Variants in FMNL2 observed in about 807,000 individuals in gnomAD.
FMNL2 encodes formin like 2.
FMNL2 carries 51 observed loss-of-function variants against 130.2 expected under a neutral mutation model. The observed-to-expected ratio is 0.39, with a 90% CI of 0.31 to 0.49. The LOEUF (loss-of-function observed/expected upper bound fraction) is 0.49, where lower values mean the gene tolerates loss of function less well. FMNL2 is among the 20% of genes least tolerant of loss of function. The probability of loss-of-function intolerance (pLI) is 0.85; values close to 1 mark genes in which losing one functional copy is unlikely to be tolerated. For missense variants in FMNL2, 977 were observed against 1,316.2 expected, an observed-to-expected ratio of 0.74 and a Z score of 3.99; for synonymous variants, 465 against 467.1, an observed-to-expected ratio of 1.00 and a Z score of 0.06.
chr2:152,501,724 G>GCCA, intron 1 of FMNL2, among the ~76,000 whole-genome samples: 1 of 150,182 alleles, frequency 6.7e-6, no homozygotes, highest in Non-Finnish European at 1.5e-5. Flanking sequence ...TTTTAATTTT[G>GCCA]AGTAATTAAT....
At chr2:152,425,996 G>C (rs1687182536) in intron 1 of FMNL2, among the ~76,000 whole-genome samples, 1 of 152,202 alleles carries the variant, frequency 6.6e-6, no homozygotes, top group Non-Finnish European at 1.5e-5. Context: ...TCCTCTGTTA[G>C]CCTTTGGGTA....
At chr2:152,362,342 A>G (rs561776751) in intron 1 of FMNL2, among the ~76,000 whole-genome samples, 1 of 152,338 alleles carries the variant, frequency 6.6e-6, no homozygotes, top group East Asian at 1.9e-4. Context: ...GGGCACTAGG[A>G]GAATTAGATG....
chr2:152,578,780 G>C (rs1696615957), intron 7 of FMNL2, 108 bp from the exon 8 acceptor site: 1 of 757,966 alleles, frequency 1.3e-6, no homozygotes, highest in South Asian at 1.8e-5. Context: ...AATGGTGTAA[G>C]TTTCATTAGG....
intron 6 of FMNL2, among the ~76,000 whole-genome samples, chr2:152,574,176 G>A (rs559578826): frequency 7.4e-4 from 113 of 152,290 alleles, no homozygotes; most frequent in African/African-American, 2.4e-3. Context: ...GGTGGCTAAC[G>A]CCTGTAACCC....
At position 152,339,854 on chromosome 2, in the gene FMNL2, T is replaced by C. The variant is rs975313997; in HGVS notation, c.117+4134T>C. Among the ~76,000 whole-genome samples the C allele has an allele frequency of 9.2e-5, 14 of 152,266 alleles. No individual in the cohort carries two copies. The South Asian group carries it at 1.0e-3, about 11-fold the overall frequency. On this transcript the variant is annotated intron_variant, in intron 1 of 25. Coordinates refer to ENST00000288670, the MANE Select transcript of FMNL2 (RefSeq NM_052905.4). Reference sequence around the variant, plus strand: ...GTTCTCATTTAATGCTCACAGTAACTAATGCTATCAGCAATACTATAGATG... The same window carrying C: ...GTTCTCATTTAATGCTCACAGTAACCAATGCTATCAGCAATACTATAGATG...
chr2:152,589,240 C>T (rs540935549), intron 9 of FMNL2, among the ~76,000 whole-genome samples: 5 of 152,210 alleles, frequency 3.3e-5, no homozygotes, highest in African/African-American at 4.8e-5. Context: ...TTCTGCTCCA[C>T]GCAAGCCTGA....
At chr2:152,510,219 C>A (rs1247287963) in intron 1 of FMNL2, among the ~76,000 whole-genome samples, 1 of 152,192 alleles carries the variant, frequency 6.6e-6, no homozygotes, top group Non-Finnish European at 1.5e-5. Context: ...GATCTTGGAG[C>A]AGAATGCCTT....
Position 152,647,914 on chromosome 2 carries a change from C to T in FMNL2, c.*9C>T. ...CCGAAATAACAATGTGAACCTGAGA[C>T]TGGCCTGCATGAATACAGGGTGTGC... On this transcript the variant is annotated 3_prime_UTR_variant, in exon 26 of 26. Coordinates refer to ENST00000288670, the MANE Select transcript of FMNL2 (RefSeq NM_052905.4). 1 of 1,607,694 alleles carries T rather than the reference C, an allele frequency of 6.2e-7. No individual in the cohort carries two copies. Among genetic ancestry groups the T allele is most frequent in the Non-Finnish European group, 8.5e-7 (1 of 1,176,166 alleles).
At chr2:152,621,612 G>T (rs1681310351) in intron 15 of FMNL2, among the ~76,000 whole-genome samples, 1 of 152,216 alleles carries the variant, frequency 6.6e-6, no homozygotes, top group Admixed American at 6.5e-5. Flanking sequence ...CTAAATGATT[G>T]TGAGGGATGT....
In FMNL2 at chr2:152,431,965, TAAAAA is replaced by T. The variant is rs60639670; in HGVS notation, c.118-89962_118-89958del. ...GGGCAACAGAGTGAAACCCTATCTTTAAAAAAAAAAAAAAAAAAAAGATTTGAAAA... is the reference window on the plus strand; with the variant it reads ...GGGCAACAGAGTGAAACCCTATCTTTAAAAAAAAAAAAAAAGATTTGAAAA... On this transcript the variant is annotated intron_variant, in intron 1 of 25. Transcript: ENST00000288670. Among the ~76,000 whole-genome samples, 6 of 82,174 alleles carry T rather than the reference TAAAAA, an allele frequency of 7.3e-5. 2 individuals carry two copies. The highest frequency in any genetic ancestry group is 3.2e-4 in the African/African-American group (5 of 15,608). 53.9% of individuals were successfully genotyped at this position (82,174 alleles called of 152,430 possible). A position where few individuals can be genotyped will look rare whatever the true frequency, so the allele number is the denominator to read the frequency against.
intron 1 of FMNL2, among the ~76,000 whole-genome samples, chr2:152,405,217 C>T (rs1198708591): frequency 6.6e-6 from 1 of 152,114 alleles, no homozygotes; most frequent in African/African-American, 2.4e-5. Flanking sequence ...ATGAGCTGGG[C>T]ATTATCATTA....
Position 152,649,789 on chromosome 2 carries a change from A to G in FMNL2, c.*1884A>G, listed in dbSNP as rs958758238. The G allele has an allele frequency of 3.9e-5, 6 of 152,638 alleles. No homozygotes were observed. Among genetic ancestry groups the G allele is most frequent in the Non-Finnish European group, 8.8e-5 (6 of 68,044 alleles). The allele number at this position is 152,638 out of a possible 1,614,324, so 9.5% of individuals were successfully genotyped here. On this transcript the variant is annotated 3_prime_UTR_variant, in exon 26 of 26. Transcript: ENST00000288670. ...TTCATGTTACTTTTCTGGTCTTTTC[A>G]TGGCATATGAGCAAATAATAAACTA...
chr2:152,431,911 C>T (rs1190262074), intron 1 of FMNL2, among the ~76,000 whole-genome samples: 1 of 141,870 alleles, frequency 7.0e-6, no homozygotes, highest in Non-Finnish European at 1.5e-5. Context: ...CTGCAGTGAG[C>T]TGTGATCACA....
chr2:152,526,364 C>G (rs561091584), intron 2 of FMNL2, among the ~76,000 whole-genome samples: 5 of 152,088 alleles, frequency 3.3e-5, no homozygotes, highest in Non-Finnish European at 7.4e-5. Context: ...GATGGTGATG[C>G]CAGCAATAAC....
chr2:152,443,771 A>C (rs903539212), intron 1 of FMNL2, among the ~76,000 whole-genome samples: 3 of 152,108 alleles, frequency 2.0e-5, no homozygotes, highest in African/African-American at 7.2e-5. Context: ...TGAACCCGGG[A>C]GGCAGAGGAT....
At chr2:152,568,564 C>A (rs929210550) in intron 6 of FMNL2, among the ~76,000 whole-genome samples, 1 of 152,088 alleles carries the variant, frequency 6.6e-6, no homozygotes, top group Admixed American at 6.5e-5. Context: ...AGGACATACC[C>A]GAGACTGAGT....
chr2:152,548,780 T>C (rs1694784609), intron 3 of FMNL2, among the ~76,000 whole-genome samples: 5 of 151,950 alleles, frequency 3.3e-5, no homozygotes, highest in Admixed American at 3.3e-4. Context: ...GTGTGTGGGG[T>C]AGGGAAATAA....
At position 152,483,989 on chromosome 2, in the gene FMNL2, C is replaced by T. The variant is rs558986791; in HGVS notation, c.118-37954C>T. Among the ~76,000 whole-genome samples the T allele has an allele frequency of 3.3e-5, 5 of 152,296 alleles. No individual in the cohort carries two copies. In the East Asian group the frequency reaches 9.7e-4, roughly 29 times the overall value. On this transcript the variant is annotated intron_variant, in intron 1 of 25. Coordinates refer to ENST00000288670, the MANE Select transcript of FMNL2 (RefSeq NM_052905.4). ...ATTTGTATAGGGTGCAGATGTTAGTCATTAGTGCTTAATGTATGCTGAGAT... is the reference window on the plus strand; with the variant it reads ...ATTTGTATAGGGTGCAGATGTTAGTTATTAGTGCTTAATGTATGCTGAGAT...
chr2:152,487,896 A>G (rs1690923450), intron 1 of FMNL2, among the ~76,000 whole-genome samples: 1 of 151,188 alleles, frequency 6.6e-6, no homozygotes, highest in African/African-American at 2.4e-5. Context: ...CAAGTGATGC[A>G]TGTGCCTCAG....
Sources: allele counts gnomAD v4.1 joint callset (sites outside exome capture counted in the v4.1 genomes callset), GRCh38; gene constraint gnomAD v4.1.1; transcripts MANE v1.5; gene names NCBI Gene and HGNC (gene_info 2026-07-23, HGNC 2026-07-21).